Variants in PARD3 observed in about 807,000 individuals in gnomAD.
PARD3 encodes the protein partitioning defective 3 homolog.
In PARD3, 75 loss-of-function variants were observed where a neutral mutation model predicts 155.4. The observed-to-expected ratio is 0.48, with a 90% confidence interval of 0.40 to 0.58. The LOEUF is 0.58. Among genes scored for constraint, PARD3 ranks in the 20% least tolerant of loss-of-function variants. PARD3 has a pLI of 0.00. For missense variants in PARD3, 1,642 were observed against 1,721.7 expected, an observed-to-expected ratio of 0.95 and a Z score of 0.82; for synonymous variants, 576 against 610.5, an observed-to-expected ratio of 0.94 and a Z score of 0.83.
At chr10:34,304,689 T>C (rs1167814423) in intron 20 of PARD3, among the ~76,000 whole-genome samples, 2 of 152,198 alleles carry the variant, frequency 1.3e-5, no homozygotes, top group Admixed American at 1.3e-4. Flanking sequence ...TAAGTTCTTC[T>C]CCACACCTTT....
rs763826115 is a variant in PARD3, at chr10:34,119,595, G to C, written c.3668+18C>G. On this transcript the variant is annotated intron_variant, in intron 24 of 24. Coordinates refer to ENST00000374788, the MANE Select transcript of PARD3 (RefSeq NM_001184785.2). ...AAGGGCCGGGGGGATCTGGAGGCTCGGCCAAGCGTCCTCATACCGAGGCAG... is the reference window on the plus strand; with the variant it reads ...AAGGGCCGGGGGGATCTGGAGGCTCCGCCAAGCGTCCTCATACCGAGGCAG... 3.8e-6 allele frequency: 6 copies of C among 1,581,896 alleles called. No homozygotes were observed. Among genetic ancestry groups the C allele is most frequent in the East Asian group, 4.6e-5 (2 of 43,904 alleles).
intron 5 of PARD3, among the ~76,000 whole-genome samples, chr10:34,438,972 G>A (rs1222373736): frequency 6.6e-6 from 1 of 152,136 alleles, no homozygotes; most frequent in Non-Finnish European, 1.5e-5. Context: ...GGGGTTGGTT[G>A]AGTCTATCTG....
chr10:34,587,540 C>T (rs2088203466), intron 2 of PARD3, among the ~76,000 whole-genome samples: 1 of 152,160 alleles, frequency 6.6e-6, no homozygotes, highest in Admixed American at 6.5e-5. Flanking sequence ...GGAGAATCAT[C>T]ATCATTGGGC....
chr10:34,384,375 G>T (rs141728806), intron 7 of PARD3, 121 bp from the exon 8 acceptor site: 4 of 920,056 alleles, frequency 4.3e-6, no homozygotes, highest in Non-Finnish European at 6.4e-6. Context: ...ATGTTAAAAT[G>T]ACTATTCATA....
At chr10:34,792,006 T>C (rs1841693105) in intron 1 of PARD3, among the ~76,000 whole-genome samples, 1 of 152,154 alleles carries the variant, frequency 6.6e-6, no homozygotes, top group Non-Finnish European at 1.5e-5. Flanking sequence ...CAATCTCTCC[T>C]GAGCCTCCCT....
intron 2 of PARD3, among the ~76,000 whole-genome samples, chr10:34,687,512 G>A (rs1413524401): frequency 1.3e-5 from 2 of 152,112 alleles, no homozygotes; most frequent in African/African-American, 4.8e-5. Context: ...CCTGGCTTCA[G>A]CATAAACGTG....
Position 34,668,912 on chromosome 10 carries a change from C to CCATT in PARD3, c.222+27402_222+27405dup, listed in dbSNP as rs758619426. ...GATTGGGTATTAATTCATTTCCATT[C>CCATT]CATTCATTCATTCATTCAACAAATG... On this transcript the variant is annotated intron_variant, in intron 2 of 24. Coordinates refer to ENST00000374788, the MANE Select transcript of PARD3 (RefSeq NM_001184785.2). Among the ~76,000 whole-genome samples the CCATT allele has an allele frequency of 5.9e-5, 9 of 152,056 alleles. No individual in the cohort carries two copies. In the South Asian group the frequency reaches 8.3e-4, roughly 14 times the overall value.
intron 2 of PARD3, among the ~76,000 whole-genome samples, chr10:34,609,723 C>T (rs2090744690): frequency 6.6e-6 from 1 of 151,958 alleles, no homozygotes; most frequent in Non-Finnish European, 1.5e-5. Flanking sequence ...TTTGTTTTGT[C>T]GAGACAAAAC....
At chr10:34,674,717 C>A (rs1212644608) in intron 2 of PARD3, among the ~76,000 whole-genome samples, 1 of 152,034 alleles carries the variant, frequency 6.6e-6, no homozygotes, top group Non-Finnish European at 1.5e-5. Flanking sequence ...GAACTCCTGA[C>A]CTAAGGTGAT....
chr10:34,542,973 G>A (rs1460948738), intron 2 of PARD3, among the ~76,000 whole-genome samples: 1 of 152,182 alleles, frequency 6.6e-6, no homozygotes, highest in Non-Finnish European at 1.5e-5. Context: ...ACATGCTCAA[G>A]AGTTAGATGT....
chr10:34,315,495 G>A (rs1165929157), intron 20 of PARD3, among the ~76,000 whole-genome samples: 5 of 152,222 alleles, frequency 3.3e-5, no homozygotes, highest in African/African-American at 7.2e-5. Context: ...CGTCAGGAGA[G>A]CCCCTGGAAG....
At chr10:34,678,188 C>A (rs1425505225) in intron 2 of PARD3, among the ~76,000 whole-genome samples, 1 of 152,140 alleles carries the variant, frequency 6.6e-6, no homozygotes. Context: ...GATTCTCCCA[C>A]CTCGGCCTCC....
chr10:34,269,768 C>T lies in PARD3; in HGVS notation c.3308G>A (p.Gly1103Asp), dbSNP rs748374778. Residue 1103 changes from glycine to aspartate, a missense_variant, in exon 22 of 25, where the codon GGT (glycine) becomes GAT (aspartate). Physicochemically the swap from Gly to Asp is moderately conservative, Grantham distance 94. Transcript: ENST00000374788. ...LMYGGVSSYE[G>D]SMALNARPQS... ...AGGTCTAGCGTTGAGAGCCATGGAA[C>T]CTTCATAAGAAGAAACTCCCCCATA... 3 of 1,613,960 alleles carry T rather than the reference C, an allele frequency of 1.9e-6. No homozygotes were observed. Among genetic ancestry groups the T allele is most frequent in the Admixed American group, 1.7e-5 (1 of 59,980 alleles).
chr10:34,453,477 CT>C (rs1434306215), intron 4 of PARD3, among the ~76,000 whole-genome samples: 1 of 152,138 alleles, frequency 6.6e-6, no homozygotes, highest in Non-Finnish European at 1.5e-5. Flanking sequence ...ATGTGGATGA[CT>C]TTTTCATGAA....
chr10:34,493,586 G>T (rs895125458), intron 3 of PARD3, among the ~76,000 whole-genome samples: 10 of 151,950 alleles, frequency 6.6e-5, no homozygotes, highest in African/African-American at 1.9e-4. Context: ...ACAAAAATTA[G>T]CTGGCTGTGG....
chr10:34,209,637 C>T (rs1951644497), intron 22 of PARD3, among the ~76,000 whole-genome samples: 1 of 152,122 alleles, frequency 6.6e-6, no homozygotes, highest in Admixed American at 6.5e-5. Flanking sequence ...TTGGTTCCCA[C>T]CAATTACTAG....
At chr10:34,677,110 A>C (rs2133298464) in intron 2 of PARD3, among the ~76,000 whole-genome samples, 1 of 152,328 alleles carries the variant, frequency 6.6e-6, no homozygotes, top group African/African-American at 2.4e-5. Context: ...GTTACATATA[A>C]AATAGAGATT....
intron 2 of PARD3, among the ~76,000 whole-genome samples, chr10:34,602,258 A>G (rs2089852738): frequency 6.6e-6 from 1 of 152,242 alleles, no homozygotes; most frequent in African/African-American, 2.4e-5. Flanking sequence ...AAAAATTTCA[A>G]TGTTACTAAA....
chr10:34,189,376 C>T (rs1950611666), intron 22 of PARD3, among the ~76,000 whole-genome samples: 1 of 152,146 alleles, frequency 6.6e-6, no homozygotes, highest in South Asian at 2.1e-4. Flanking sequence ...ACATTTCTTT[C>T]CTTCTTTATG....
Sources: allele counts gnomAD v4.1 joint callset (sites outside exome capture counted in the v4.1 genomes callset), GRCh38; gene constraint gnomAD v4.1.1; transcripts MANE v1.5; gene names NCBI Gene and HGNC (gene_info 2026-07-23, HGNC 2026-07-21).